MGAT5: variants seen among roughly 807,000 people sequenced by gnomAD.
MGAT5 encodes alpha-1,6-mannosylglycoprotein 6-beta-N-acetylglucosaminyltransferase A.
Under a neutral mutation model 94.3 loss-of-function variants are expected in MGAT5, and 30 were observed. The ratio of observed to expected loss-of-function variants is 0.32; its 90% CI spans 0.24 to 0.43. MGAT5 has a LOEUF of 0.43. MGAT5 is among the 20% of genes least tolerant of loss of function. The pLI is 1.00. For missense variants in MGAT5, 691 were observed against 905.5 expected (o/e 0.76, Z 3.04); for synonymous variants, 310 against 322.9 (o/e 0.96, Z 0.43).
At chr2:134,397,293 T>C (rs1682767962) in intron 10 of MGAT5, among the ~76,000 whole-genome samples, 1 of 152,102 alleles carries the variant, frequency 6.6e-6, no homozygotes, top group Admixed American at 6.5e-5. Context: ...AAAGTACCAA[T>C]ATTTTGCTGC....
chr2:134,124,596 A>G (rs1315004321), intron 1 of MGAT5, among the ~76,000 whole-genome samples: 2 of 152,232 alleles, frequency 1.3e-5, no homozygotes, highest in Admixed American at 1.3e-4. Context: ...CTTCACTGCC[A>G]GGCTGGCATT....
intron 10 of MGAT5, among the ~76,000 whole-genome samples, chr2:134,389,772 C>T (rs1370236544): frequency 6.6e-6 from 1 of 152,212 alleles, no homozygotes; most frequent in African/African-American, 2.4e-5. Flanking sequence ...TGGAGAGAAA[C>T]TATGTGGTCC....
intron 10 of MGAT5, among the ~76,000 whole-genome samples, chr2:134,368,960 C>T (rs913782752): frequency 1.3e-5 from 2 of 152,198 alleles, no homozygotes; most frequent in East Asian, 1.9e-4. Flanking sequence ...GTCACCCCTC[C>T]CCCTCCCTAG....
chr2:134,190,944 C>G lies in MGAT5; in HGVS notation c.-142-63318C>G, dbSNP rs111535632. Among the ~76,000 whole-genome samples the G allele has an allele frequency of 3.9e-3, 593 of 152,262 alleles. 6 individuals carry two copies. Among genetic ancestry groups the G allele is most frequent in the African/African-American group, 0.014 (561 of 41,538 alleles). On this transcript the variant is annotated intron_variant, in intron 1 of 16. Coordinates refer to the MGAT5 transcript ENST00000409645. ...GATTACAAGTGTGAGCCAGTGCACC[C>G]AGTCAGCTATTTAAAAAAATTTTTT... is the stretch of plus-strand genomic sequence containing the variant.
chr2:134,387,374 AG>A (rs1184759165), intron 10 of MGAT5, among the ~76,000 whole-genome samples: 1 of 126,714 alleles, frequency 7.9e-6, no homozygotes, highest in Non-Finnish European at 1.6e-5. Flanking sequence ...CACAGAAACT[AG>A]ATTTCATAGA....
chr2:134,341,880 A>T, intron 7 of MGAT5, 121 bp downstream of exon 7: 1 of 754,896 alleles, frequency 1.3e-6, no homozygotes, highest in Non-Finnish European at 2.1e-6. Context: ...ATAATTCACT[A>T]AACAGGAGAT....
intron 6 of MGAT5, among the ~76,000 whole-genome samples, chr2:134,341,229 G>T (rs1029624805): frequency 6.6e-6 from 1 of 151,856 alleles, no homozygotes; most frequent in Non-Finnish European, 1.5e-5. Context: ...AATTTTCCAT[G>T]GTAAGAGGTT....
chr2:134,444,239 T>C (rs1685649374), intron 15 of MGAT5, among the ~76,000 whole-genome samples: 1 of 152,180 alleles, frequency 6.6e-6, no homozygotes, highest in Non-Finnish European at 1.5e-5. Context: ...CCAAGACGGA[T>C]AAGCCAGCCC....
chr2:134,386,990 G>A (rs1240598818), intron 10 of MGAT5, among the ~76,000 whole-genome samples: 3 of 151,974 alleles, frequency 2.0e-5, no homozygotes, highest in East Asian at 1.9e-4. Context: ...AGCCGGGTGC[G>A]GTGGCTCACA....
intron 14 of MGAT5, among the ~76,000 whole-genome samples, chr2:134,440,375 A>G (rs1685416653): frequency 6.6e-6 from 1 of 152,184 alleles, no homozygotes. Flanking sequence ...GAGTCAGCCC[A>G]TTCTCCCTGT....
At chr2:134,429,359 A>G (rs958229280) in intron 14 of MGAT5, among the ~76,000 whole-genome samples, 1 of 152,216 alleles carries the variant, frequency 6.6e-6, no homozygotes. Context: ...CCGTGGTCAT[A>G]TACTTCGGGG....
At chr2:134,131,534 A>G (rs375536713) in intron 1 of MGAT5, among the ~76,000 whole-genome samples, 7 of 147,584 alleles carry the variant, frequency 4.7e-5, no homozygotes, top group African/African-American at 1.5e-4. Context: ...TGCCAGGGTG[A>G]TGATGATACA....
chr2:134,377,672 C>T (rs1330155216), intron 10 of MGAT5, among the ~76,000 whole-genome samples: 1 of 152,200 alleles, frequency 6.6e-6, no homozygotes, highest in African/African-American at 2.4e-5. Context: ...CATAGAGATA[C>T]AGGAGATAGT....
At chr2:134,271,351 G>A (rs1358246386) in intron 2 of MGAT5, among the ~76,000 whole-genome samples, 1 of 152,140 alleles carries the variant, frequency 6.6e-6, no homozygotes, top group East Asian at 1.9e-4. Context: ...TGAAGAGCCT[G>A]AGGATTAGGA....
intron 11 of MGAT5, 126 bp from the exon 12 acceptor site, chr2:134,412,743 C>T: frequency 8.4e-7 from 1 of 1,189,170 alleles, no homozygotes; most frequent in Non-Finnish European, 1.2e-6. Flanking sequence ...GGCCTGGGAG[C>T]CTTCCAAAGT....
At chr2:134,284,414 C>G (rs2105738260) in intron 2 of MGAT5, among the ~76,000 whole-genome samples, 1 of 152,294 alleles carries the variant, frequency 6.6e-6, no homozygotes, top group South Asian at 2.1e-4. Flanking sequence ...AGTGGTTGTA[C>G]AGGAGACCAT....
At chr2:134,326,053 T>TC (rs1553446921) in intron 4 of MGAT5, among the ~76,000 whole-genome samples, 1,654 of 70,376 alleles carry the variant, frequency 0.024, 21 homozygotes, top group African/African-American at 0.057. Context: ...TCTCTCTCTC[T>TC]TTTTTTTTTT....
intron 10 of MGAT5, among the ~76,000 whole-genome samples, chr2:134,386,114 A>C (rs752960378): frequency 1.3e-5 from 2 of 152,220 alleles, no homozygotes; most frequent in Non-Finnish European, 2.9e-5. Context: ...GATGCAGAGT[A>C]AAATAATGTG....
At chr2:134,304,047 C>T (rs1439669954) in intron 2 of MGAT5, among the ~76,000 whole-genome samples, 1 of 152,188 alleles carries the variant, frequency 6.6e-6, no homozygotes, top group Non-Finnish European at 1.5e-5. Flanking sequence ...ACAAGCTTCT[C>T]TGCTATTGCC....
Sources: allele counts gnomAD v4.1 joint callset (sites outside exome capture counted in the v4.1 genomes callset), GRCh38; gene constraint gnomAD v4.1.1; transcripts MANE v1.5; gene names NCBI Gene and HGNC (gene_info 2026-07-23, HGNC 2026-07-21).